The following AIG1 variants were observed in gnomAD, a reference collection of about 807,000 sequenced individuals.
AIG1 encodes the protein androgen induced 1.
AIG1 carries 23 observed loss-of-function variants against 31.4 expected under a neutral mutation model. The ratio of observed to expected loss-of-function variants is 0.73; its 90% confidence interval spans 0.53 to 1.04. The LOEUF is 1.04. AIG1 is among the 50% of genes least tolerant of loss of function. The pLI, the probability that AIG1 is intolerant of heterozygous loss-of-function variation, is 0.00. For synonymous variants in AIG1, 100 were observed against 110.5 expected, an observed-to-expected ratio of 0.90 and a Z score of 0.60; for missense variants, 274 against 295.0, an observed-to-expected ratio of 0.93 and a Z score of 0.52.
At chr6:143,137,088 G>A (rs1783828897) in intron 2 of AIG1, 98 bp downstream of exon 2, 14 of 1,251,510 alleles carry the variant, frequency 1.1e-5, no homozygotes, top group Non-Finnish European at 1.4e-5. Flanking sequence ...AGAGGTTTCT[G>A]TATTATTAGT....
rs1369235 is a variant in AIG1 at position 143,292,751 on chromosome 6, A to G, written c.515+8526A>G. Among the ~76,000 whole-genome samples, 2,586 of 152,330 alleles carry G rather than the reference A, an allele frequency of 0.017. 53 individuals are homozygous for G. The highest frequency in any genetic ancestry group is 0.05 in the Admixed American group (763 of 15,296). On this transcript the variant is annotated intron_variant, in intron 4 of 5. Transcript: ENST00000357847. The surrounding 1 kb of genome is among the most constrained non-coding windows in gnomAD (Gnocchi z 4.9). ...TTTCCTTATCCGAAACAAAAAAAGC[A>G]TGATGATAGTGATCAGGCAGGATTG...
intron 3 of AIG1, among the ~76,000 whole-genome samples, chr6:143,248,331 G>A (rs1794759631): frequency 6.6e-6 from 1 of 152,162 alleles, no homozygotes; most frequent in South Asian, 2.1e-4. Context: ...GAACACATAA[G>A]GGCCTTCCTT....
At chr6:143,316,896 A>G (rs1001791356) in intron 4 of AIG1, among the ~76,000 whole-genome samples, 3 of 152,246 alleles carry the variant, frequency 2.0e-5, no homozygotes, top group Non-Finnish European at 2.9e-5. Context: ...CACACAAACT[A>G]GAAAACCTAG....
At chr6:143,169,199 T>C (rs1028430174) in intron 3 of AIG1, among the ~76,000 whole-genome samples, 1 of 152,064 alleles carries the variant, frequency 6.6e-6, no homozygotes. Flanking sequence ...TATATACTTA[T>C]TTTAATTTTC....
chr6:143,302,757 G>A (rs1447882715), intron 4 of AIG1, among the ~76,000 whole-genome samples: 1 of 152,182 alleles, frequency 6.6e-6, no homozygotes, highest in Non-Finnish European at 1.5e-5. Flanking sequence ...GGATGGCTGG[G>A]TCAAATGGCA....
chr6:143,267,807 A>G (rs1446987032), intron 3 of AIG1, among the ~76,000 whole-genome samples: 2 of 152,186 alleles, frequency 1.3e-5, no homozygotes, highest in African/African-American at 4.8e-5. Context: ...CTCCTGGTGA[A>G]GAGATAGAAA....
intron 1 of AIG1, among the ~76,000 whole-genome samples, chr6:143,069,027 T>TC: frequency 6.6e-6 from 1 of 151,996 alleles, no homozygotes. Context: ...TTTTTTTTTT[T>TC]CTCTTGAAAT....
intron 1 of AIG1, among the ~76,000 whole-genome samples, chr6:143,093,603 C>A (rs1284339936): frequency 6.6e-6 from 1 of 152,198 alleles, no homozygotes; most frequent in East Asian, 1.9e-4. Flanking sequence ...CTGTTTAGCA[C>A]AAGAGGCCTA....
chr6:143,095,526 T>A (rs1779683482), intron 1 of AIG1, among the ~76,000 whole-genome samples: 1 of 152,046 alleles, frequency 6.6e-6, no homozygotes, highest in African/African-American at 2.4e-5. Flanking sequence ...GGAGCAAAAA[T>A]TACAGTTTTT....
chr6:143,098,830 T>C (rs1337128506), intron 1 of AIG1, among the ~76,000 whole-genome samples: 1 of 152,202 alleles, frequency 6.6e-6, no homozygotes, highest in African/African-American at 2.4e-5. Flanking sequence ...TGCATTTTTT[T>C]CCCATGGGTA....
intron 2 of AIG1, among the ~76,000 whole-genome samples, chr6:143,138,529 C>T (rs1484137531): frequency 1.3e-5 from 2 of 151,958 alleles, no homozygotes; most frequent in Non-Finnish European, 2.9e-5. Flanking sequence ...CGTCTACTCC[C>T]TTGGAATTTC....
At chr6:143,060,544 T>TCCCGAGCCCTC (rs927053278), upstream of AIG1, 1 of 310,242 alleles carries the variant, frequency 3.2e-6, no homozygotes. Context: ...AGCGCGCACT[T>TCCCGAGCCCTC]CCCGAGCCCT....
intron 3 of AIG1, among the ~76,000 whole-genome samples, chr6:143,266,409 C>A (rs1345509362): frequency 1.3e-5 from 2 of 148,816 alleles, no homozygotes; most frequent in African/African-American, 5.0e-5. Flanking sequence ...AAATGGAAAT[C>A]GCCTGAGATC....
intron 2 of AIG1, among the ~76,000 whole-genome samples, chr6:143,149,532 CAAAAAAAAAAAAAA>C (rs71767812): frequency 1.0e-4 from 4 of 39,990 alleles, no homozygotes; most frequent in African/African-American, 3.6e-4. Flanking sequence ...GACTCTGTCT[CAAAAAAAAAAAAAA>C]AAAAAAAAAA....
intron 3 of AIG1, among the ~76,000 whole-genome samples, chr6:143,223,539 C>G (rs1341325663): frequency 6.6e-6 from 1 of 152,298 alleles, no homozygotes; most frequent in East Asian, 1.9e-4. Flanking sequence ...GCTGTCCCCT[C>G]TAAGTCTTTG....
intron 3 of AIG1, among the ~76,000 whole-genome samples, chr6:143,212,786 T>C (rs1791690225): frequency 6.6e-6 from 1 of 152,220 alleles, no homozygotes; most frequent in South Asian, 2.1e-4. Context: ...CATAGGAGCC[T>C]TTTCCTCCTA....
At chr6:143,169,439 C>T (rs748327169) in intron 3 of AIG1, among the ~76,000 whole-genome samples, 3 of 152,124 alleles carry the variant, frequency 2.0e-5, no homozygotes, top group African/African-American at 7.2e-5. Context: ...TATTATTTCT[C>T]TATGTTGAGA....
At chr6:143,257,191 T>C (rs1007683951) in intron 3 of AIG1, among the ~76,000 whole-genome samples, 1 of 152,240 alleles carries the variant, frequency 6.6e-6, no homozygotes, top group Non-Finnish European at 1.5e-5. Flanking sequence ...CCGATGGCTT[T>C]CATGGAGCAC....
rs2128728500 is a variant in AIG1, at chr6:143,340,867, T to C, written c.*1191T>C. On this transcript the variant is annotated 3_prime_UTR_variant, in exon 6 of 6. Transcript: ENST00000357847. ...TATAAAATGTTACTTAACACAAATA[T>C]AAGTATTGATTGCCCAATGTTGAGA... is the stretch of plus-strand genomic sequence containing the variant. Among the ~76,000 whole-genome samples, 1 of 152,252 alleles carries C rather than the reference T, an allele frequency of 6.6e-6. No homozygotes were observed. The highest frequency in any genetic ancestry group is 1.9e-4 in the East Asian group (1 of 5,186).
Sources: allele counts gnomAD v4.1 joint callset (sites outside exome capture counted in the v4.1 genomes callset), GRCh38; gene constraint gnomAD v4.1.1; non-coding constraint Gnocchi (gnomAD v3.1); transcripts MANE v1.5; gene names NCBI Gene and HGNC (gene_info 2026-07-23, HGNC 2026-07-21).